The following LRRC4C variants were observed in gnomAD, a reference collection of about 807,000 sequenced individuals.
The protein encoded by LRRC4C is leucine rich repeat containing 4C, also known as leucine-rich repeat-containing protein 4C.
In LRRC4C, 5 loss-of-function variants were observed where a neutral mutation model predicts 33.6. That is an observed-to-expected ratio of 0.15 (90% confidence interval 0.08 to 0.31). The LOEUF is 0.31. Among genes scored for constraint, LRRC4C ranks in the 10% least tolerant of loss-of-function variants. The probability of loss-of-function intolerance (pLI) is 1.00; values close to 1 mark genes in which losing one functional copy is unlikely to be tolerated. For missense variants in LRRC4C, 560 were observed against 796.7 expected (o/e 0.70, Z 3.58); for synonymous variants, 329 against 302.0 (o/e 1.09, Z -0.93).
intron 1 of LRRC4C, among the ~76,000 whole-genome samples, chr11:41,117,519 C>A (rs917887156): frequency 1.3e-5 from 2 of 151,942 alleles, no homozygotes; most frequent in Non-Finnish European, 2.9e-5. Flanking sequence ...GTAAAAAGTG[C>A]ATGTGGAAAA....
chr11:41,453,025 AACACT>A (rs1956073965), intron 1 of LRRC4C, among the ~76,000 whole-genome samples: 1 of 152,098 alleles, frequency 6.6e-6, no homozygotes, highest in African/African-American at 2.4e-5. Context: ...ATCTTTTTAC[AACACT>A]ACAAGGTAAG....
chr11:40,983,102 CTT>C (rs1280311905), intron 1 of LRRC4C, among the ~76,000 whole-genome samples: 1 of 152,116 alleles, frequency 6.6e-6, no homozygotes, highest in African/African-American at 2.4e-5. Flanking sequence ...GATTCCCTGT[CTT>C]TGCTGTTGTG....
At chr11:40,709,508 T>C (rs987814124) in intron 2 of LRRC4C, among the ~76,000 whole-genome samples, 2 of 152,184 alleles carry the variant, frequency 1.3e-5, no homozygotes, top group Admixed American at 6.5e-5. Flanking sequence ...AAAATTCTTT[T>C]CTTTAAGAAT....
chr11:40,531,014 T>A (rs1177915547), intron 3 of LRRC4C, among the ~76,000 whole-genome samples: 1 of 152,102 alleles, frequency 6.6e-6, no homozygotes, highest in Non-Finnish European at 1.5e-5. Flanking sequence ...AGTAGAGTAT[T>A]GAAAGCATTC....
intron 1 of LRRC4C, among the ~76,000 whole-genome samples, chr11:41,387,773 T>C (rs796893687): frequency 6.6e-6 from 1 of 151,796 alleles, no homozygotes; most frequent in Non-Finnish European, 1.5e-5. Context: ...GTTATATATG[T>C]TAGCTGCAAT....
intron 1 of LRRC4C, among the ~76,000 whole-genome samples, chr11:41,275,325 C>T (rs1206067529): frequency 6.6e-6 from 1 of 152,062 alleles, no homozygotes; most frequent in Non-Finnish European, 1.5e-5. Flanking sequence ...GAAGATGATG[C>T]CCAGATTTTT....
chr11:41,444,071 G>T (rs188300146), intron 1 of LRRC4C, among the ~76,000 whole-genome samples: 3 of 152,014 alleles, frequency 2.0e-5, no homozygotes, highest in Non-Finnish European at 4.4e-5. Context: ...CCACAGATGC[G>T]AAGGAATTTC....
chr11:41,220,420 TG>T (rs1178695327), intron 1 of LRRC4C, among the ~76,000 whole-genome samples: 1 of 151,808 alleles, frequency 6.6e-6, no homozygotes, highest in Non-Finnish European at 1.5e-5. Flanking sequence ...TTATCTGCTG[TG>T]CAACATTCAA....
intron 3 of LRRC4C, among the ~76,000 whole-genome samples, chr11:40,586,734 C>G (rs1302322293): frequency 6.6e-6 from 1 of 151,028 alleles, no homozygotes; most frequent in Non-Finnish European, 1.5e-5. Flanking sequence ...AATAGGGAAG[C>G]CTTTCCCCAT....
chr11:40,169,567 G>A (rs753617029), intron 5 of LRRC4C, among the ~76,000 whole-genome samples: 99 of 151,996 alleles, frequency 6.5e-4, no homozygotes, highest in Non-Finnish European at 1.1e-3. Context: ...CTATATATAT[G>A]CACAGATTTG....
intron 3 of LRRC4C, among the ~76,000 whole-genome samples, chr11:40,499,980 C>A (rs1443188244): frequency 6.6e-6 from 1 of 151,968 alleles, no homozygotes; most frequent in Non-Finnish European, 1.5e-5. Context: ...TGGGCCCTTA[C>A]CCATCCTCTG....
At chr11:40,182,152 A>G (rs1440452426) in intron 5 of LRRC4C, among the ~76,000 whole-genome samples, 2 of 152,234 alleles carry the variant, frequency 1.3e-5, no homozygotes, top group Non-Finnish European at 2.9e-5. Context: ...ATTAATAACA[A>G]CAATAATAAT....
intron 1 of LRRC4C, among the ~76,000 whole-genome samples, chr11:41,330,360 G>C (rs1214003045): frequency 1.3e-5 from 2 of 151,872 alleles, no homozygotes; most frequent in Non-Finnish European, 2.9e-5. Context: ...TGTGTCAATA[G>C]ATTATATTAT....
chr11:40,508,242 G>T (rs1414442306), intron 3 of LRRC4C, among the ~76,000 whole-genome samples: 1 of 152,054 alleles, frequency 6.6e-6, no homozygotes, highest in Non-Finnish European at 1.5e-5. Flanking sequence ...TCCAGAAATG[G>T]AATTGAAGGC....
At chr11:41,235,886 T>G (rs1718654165) in intron 1 of LRRC4C, among the ~76,000 whole-genome samples, 1 of 152,086 alleles carries the variant, frequency 6.6e-6, no homozygotes, top group African/African-American at 2.4e-5. Context: ...GAAAGGGTAA[T>G]GAGGTAGATA....
intron 2 of LRRC4C, among the ~76,000 whole-genome samples, chr11:40,783,331 C>T (rs4635067): frequency 0.21 from 31,033 of 151,344 alleles, 5,867 homozygotes; most frequent in African/African-American, 0.51. Context: ...AGTCTTGCTC[C>T]GTCACCCAGG....
chr11:40,965,583 A>G (rs1424108486), intron 1 of LRRC4C, among the ~76,000 whole-genome samples: 5 of 152,166 alleles, frequency 3.3e-5, no homozygotes, highest in African/African-American at 1.2e-4. Context: ...AGCTTTCCAC[A>G]TATGGCTAGC....
At chr11:41,156,043 C>T (rs982114779) in intron 1 of LRRC4C, among the ~76,000 whole-genome samples, 13 of 152,062 alleles carry the variant, frequency 8.5e-5, no homozygotes. Flanking sequence ...TTTTGTTATT[C>T]AGCTTTGTGT....
chr11:40,384,544 A>T (rs569422824), intron 3 of LRRC4C, among the ~76,000 whole-genome samples: 2 of 152,304 alleles, frequency 1.3e-5, no homozygotes, highest in Admixed American at 6.5e-5. Context: ...CTTCTAGTTG[A>T]TGGGTCCAAC....
Sources: gnomAD v4.1 joint callset for allele counts (sites outside exome capture counted in the v4.1 genomes callset) on GRCh38, gnomAD v4.1.1 for gene constraint, MANE v1.5 for transcripts, NCBI Gene and HGNC (gene_info 2026-07-23, HGNC 2026-07-21) for gene names.